Variants in PCDH15 observed in about 807,000 individuals in gnomAD.
PCDH15 encodes the protein protocadherin related 15.
In PCDH15, 129 loss-of-function variants were observed where a neutral mutation model predicts 178.5. That is an observed-to-expected ratio of 0.72 (90% CI 0.63 to 0.84). PCDH15 has a LOEUF of 0.84. Ranked by LOEUF, PCDH15 falls within the 40% of genes least tolerant of loss-of-function variation. The probability of loss-of-function intolerance (pLI) is 0.00; values close to 1 mark genes in which losing one functional copy is unlikely to be tolerated. For missense variants in PCDH15, 2,230 were observed against 2,099.9 expected, an observed-to-expected ratio of 1.06 and a Z score of -1.21; for synonymous variants, 800 against 732.0, an observed-to-expected ratio of 1.09 and a Z score of -1.50.
intron 3 of PCDH15, among the ~76,000 whole-genome samples, chr10:54,428,349 T>C (rs1956548815): frequency 6.6e-6 from 1 of 152,190 alleles, no homozygotes; most frequent in Non-Finnish European, 1.5e-5. Flanking sequence ...AGTTCAAAGT[T>C]GTCAAATAAA....
intron 2 of PCDH15, among the ~76,000 whole-genome samples, chr10:55,591,814 A>C (rs1172744825): frequency 1.3e-5 from 2 of 152,144 alleles, no homozygotes; most frequent in Non-Finnish European, 2.9e-5. Context: ...AAAGCAATGC[A>C]TGTATACTTC....
chr10:55,374,831 C>T (rs1845582687), intron 2 of PCDH15, among the ~76,000 whole-genome samples: 1 of 151,562 alleles, frequency 6.6e-6, no homozygotes, highest in South Asian at 2.1e-4. Flanking sequence ...CACTGGCATT[C>T]CATAAATATG....
At chr10:54,231,552 G>C (rs1287820033) in intron 9 of PCDH15, among the ~76,000 whole-genome samples, 3 of 152,204 alleles carry the variant, frequency 2.0e-5, no homozygotes, top group Non-Finnish European at 4.4e-5. Flanking sequence ...GTGAGAAGAA[G>C]GCAACTATTC....
chr10:54,559,357 A>T (rs553592937), intron 2 of PCDH15, among the ~76,000 whole-genome samples: 31 of 152,168 alleles, frequency 2.0e-4, no homozygotes, highest in Non-Finnish European at 4.4e-4. Flanking sequence ...ATTGATATTA[A>T]TATAGCTTGG....
chr10:53,818,024 GAAAT>G lies in PCDH15; in HGVS notation c.4434-15_4434-12del. 2.5e-6 allele frequency: 1 copy of G among 398,486 alleles called. No homozygotes were observed. The allele number at this position is 398,486 out of a possible 1,614,324, so 24.7% of individuals were successfully genotyped here. On this transcript the variant is annotated splice_polypyrimidine_tract_variant and intron_variant, in intron 33 of 37. Coordinates refer to ENST00000644397, the MANE Select transcript of PCDH15 (RefSeq NM_001384140.1). ...GATCCATAACCTCTCCTGCAAGGCAGAAATAAATAAATCAGTATTAAACATCTTA... is the reference window on the plus strand; with the variant it reads ...GATCCATAACCTCTCCTGCAAGGCAGAAATAAATCAGTATTAAACATCTTA...
chr10:54,898,869 T>C (rs1237799853), intron 2 of PCDH15, among the ~76,000 whole-genome samples: 3 of 152,220 alleles, frequency 2.0e-5, no homozygotes, highest in South Asian at 2.1e-4. Flanking sequence ...AGTAGATGTA[T>C]ATTTGTTAAT....
chr10:54,409,917 G>A (rs971001321), intron 3 of PCDH15, among the ~76,000 whole-genome samples: 3 of 152,026 alleles, frequency 2.0e-5, no homozygotes, highest in Admixed American at 1.3e-4. Flanking sequence ...ACCAGATGCC[G>A]ATGCCATACT....
At chr10:54,665,858 C>A (rs1325954182) in intron 1 of PCDH15, among the ~76,000 whole-genome samples, 1 of 151,724 alleles carries the variant, frequency 6.6e-6, no homozygotes, top group South Asian at 2.1e-4. Flanking sequence ...TATTAGATGC[C>A]AAGAGATCAT....
At chr10:55,330,838 A>ATGTGTGTGTGTGTGTG (rs71461291) in intron 2 of PCDH15, among the ~76,000 whole-genome samples, 2 of 144,714 alleles carry the variant, frequency 1.4e-5, no homozygotes, top group East Asian at 2.1e-4. Flanking sequence ...AGATTTATTT[A>ATGTGTGTGTGTGTGTG]TGTGTGTGTG....
intron 2 of PCDH15, among the ~76,000 whole-genome samples, chr10:55,001,825 G>A (rs2131931009): frequency 6.6e-6 from 1 of 152,306 alleles, no homozygotes; most frequent in South Asian, 2.1e-4. Context: ...TTTCTGGCTG[G>A]AAAAGCAACC....
At chr10:54,432,548 C>T (rs1957089413) in intron 3 of PCDH15, among the ~76,000 whole-genome samples, 2 of 152,026 alleles carry the variant, frequency 1.3e-5, no homozygotes, top group African/African-American at 4.8e-5. Context: ...GAAACTTGAC[C>T]CCTATCTACT....
chr10:54,262,943 A>G (rs912131408), intron 8 of PCDH15, among the ~76,000 whole-genome samples: 3 of 144,170 alleles, frequency 2.1e-5, no homozygotes, highest in Non-Finnish European at 4.5e-5. Flanking sequence ...CTAGGCAGAC[A>G]CCATGGTTGC....
intron 2 of PCDH15, among the ~76,000 whole-genome samples, chr10:55,504,307 G>T (rs1307157477): frequency 6.6e-6 from 1 of 151,378 alleles, no homozygotes; most frequent in Non-Finnish European, 1.5e-5. Flanking sequence ...TCTCAATTTT[G>T]CTATAAATCT....
chr10:54,649,665 G>T (rs1272236616), intron 2 of PCDH15, among the ~76,000 whole-genome samples: 1 of 152,196 alleles, frequency 6.6e-6, no homozygotes, highest in African/African-American at 2.4e-5. Context: ...ATGTGTGTGT[G>T]TGAGTAAATT....
intron 2 of PCDH15, among the ~76,000 whole-genome samples, chr10:55,034,384 G>T (rs1215216976): frequency 6.6e-6 from 1 of 152,170 alleles, no homozygotes; most frequent in Non-Finnish European, 1.5e-5. Context: ...CACTGACAAT[G>T]TTAAAATGAT....
intron 21 of PCDH15, among the ~76,000 whole-genome samples, chr10:53,975,436 A>G (rs1229900217): frequency 6.6e-6 from 1 of 152,016 alleles, no homozygotes; most frequent in Non-Finnish European, 1.5e-5. Flanking sequence ...CCATAACCTC[A>G]CCAGCATCTG....
At chr10:55,626,891 G>C (rs577835825) in intron 2 of PCDH15, among the ~76,000 whole-genome samples, 2 of 152,226 alleles carry the variant, frequency 1.3e-5, no homozygotes, top group South Asian at 4.1e-4. Context: ...TATTGCAAAA[G>C]TGTTCCATTC....
At chr10:54,401,891 G>A (rs76660131) in intron 3 of PCDH15, among the ~76,000 whole-genome samples, 1 of 151,892 alleles carries the variant, frequency 6.6e-6, no homozygotes, top group African/African-American at 2.4e-5. Flanking sequence ...TACTATTTTG[G>A]TTTTTGATGC....
intron 2 of PCDH15, among the ~76,000 whole-genome samples, chr10:54,562,668 C>CAT (rs543147471): frequency 1.1e-4 from 16 of 152,156 alleles, no homozygotes; most frequent in African/African-American, 3.9e-4. Context: ...GCACATGCTT[C>CAT]ATATATATGT....
Sources: allele counts gnomAD v4.1 joint callset (sites outside exome capture counted in the v4.1 genomes callset), GRCh38; gene constraint gnomAD v4.1.1; transcripts MANE v1.5; gene names NCBI Gene and HGNC (gene_info 2026-07-23, HGNC 2026-07-21).